Variants in AKAP11 observed in about 807,000 individuals in gnomAD.
AKAP11 encodes the protein A-kinase anchoring protein 11.
Under a neutral mutation model 146.1 loss-of-function variants are expected in AKAP11, and 36 were observed. That is an observed-to-expected ratio of 0.25 (90% CI 0.19 to 0.33). AKAP11 has a LOEUF of 0.33. AKAP11 is among the 10% of genes least tolerant of loss of function. The pLI is 1.00. For missense variants in AKAP11, 2,201 were observed against 2,197.0 expected (o/e 1.00, Z -0.04); for synonymous variants, 780 against 786.5 (o/e 0.99, Z 0.14).
In AKAP11 at chr13:42,318,946, G is replaced by A. The variant is rs1304106813; in HGVS notation, c.5566-142G>A. 4 of 990,186 alleles carry A rather than the reference G, an allele frequency of 4.0e-6. No homozygotes were observed. The East Asian group carries it at 1.0e-4, about 26-fold the overall frequency. 61.3% of individuals were successfully genotyped at this position (990,186 alleles called of 1,614,324 possible). On this transcript the variant is annotated intron_variant, in intron 12 of 12. Coordinates refer to ENST00000025301, the MANE Select transcript of AKAP11 (RefSeq NM_016248.4). ...TGGGTAAAGGGGTAGCGGTTTAGAG[G>A]GGAAGACCTTGTTATAACTAGGAAA...
Position 42,319,225 on chromosome 13 carries a change from A to G in AKAP11, c.5703A>G (p.Ala1901=), listed in dbSNP as rs1039158604. 3 of 1,613,834 alleles carry G rather than the reference A, an allele frequency of 1.9e-6. No homozygotes were observed. Among genetic ancestry groups the G allele is most frequent in the Middle Eastern group, 1.7e-4 (1 of 6,060 alleles). ...KSLFDWLLEN[A] ...TGTTTGATTGGCTCTTGGAAAATGC[A>G]TAGAGCAAACCCCAAACCAGTATAT... The change falls in exon 13 of 13, where the codon GCA becomes GCG. Residue 1901 remains alanine (A), a synonymous_variant. Coordinates refer to ENST00000025301, the MANE Select transcript of AKAP11 (RefSeq NM_016248.4).
At chr13:42,279,637 A>G (rs373789893) in intron 1 of AKAP11, among the ~76,000 whole-genome samples, 1 of 151,976 alleles carries the variant, frequency 6.6e-6, no homozygotes, top group Admixed American at 6.6e-5. Context: ...TAGTTTTACA[A>G]TCCTTTTCTG....
intron 8 of AKAP11, among the ~76,000 whole-genome samples, chr13:42,307,061 A>G (rs1015322109): frequency 6.6e-6 from 1 of 152,202 alleles, no homozygotes; most frequent in African/African-American, 2.4e-5. Flanking sequence ...CACAGTCATT[A>G]TAAACTCTTC....
Position 42,319,401 on chromosome 13 carries a change from C to A in AKAP11, c.*173C>A. 1.3e-6 allele frequency: 1 copy of A among 772,930 alleles called. No homozygotes were observed. The highest frequency in any genetic ancestry group is 2.0e-6 in the Non-Finnish European group (1 of 505,582). The allele number at this position is 772,930 out of a possible 1,614,324, so 47.9% of individuals were successfully genotyped here. A position where few individuals can be genotyped will look rare whatever the true frequency, so the allele number is the denominator to read the frequency against. ...TATCACTCGGTGTATATAGTTCATA[C>A]TTTTGTAATCTGTCAAAATACTACC... On this transcript the variant is annotated 3_prime_UTR_variant, in exon 13 of 13. Coordinates refer to ENST00000025301, the MANE Select transcript of AKAP11 (RefSeq NM_016248.4).
intron 1 of AKAP11, among the ~76,000 whole-genome samples, chr13:42,275,260 A>G (rs1449257611): frequency 5.3e-5 from 8 of 152,188 alleles, no homozygotes; most frequent in African/African-American, 1.7e-4. Flanking sequence ...CACTTCCCCA[A>G]AACTTTGATT....
Position 42,322,444 on chromosome 13 carries a change from A to T in AKAP11, c.*3216A>T, listed in dbSNP as rs988820355. ...GTCTACTTAGTTAATTAGTTAGCTG[A>T]TATTCTTCCACAATTAATATATTCA... On this transcript the variant is annotated 3_prime_UTR_variant, in exon 13 of 13. Transcript: ENST00000025301. 1.3e-5 allele frequency: 2 copies of T among 152,286 alleles called. No individual in the cohort carries two copies. The highest frequency in any genetic ancestry group is 2.9e-5 in the Non-Finnish European group (2 of 67,978). The allele number at this position is 152,286 out of a possible 1,614,324, so 9.4% of individuals were successfully genotyped here.
chr13:42,301,924 T>G lies in AKAP11; in HGVS notation c.3178T>G (p.Phe1060Val). 6.2e-7 allele frequency: 1 copy of G among 1,614,178 alleles called. No individual in the cohort carries two copies. Among genetic ancestry groups the G allele is most frequent in the Non-Finnish European group, 8.5e-7 (1 of 1,180,014 alleles). Reference sequence around the variant, plus strand: ...TAGTACATCACTTGAGGCCTTGTCTTTTGGACAGGAAAACCCCTTTCCTCA... The same window carrying G: ...TAGTACATCACTTGAGGCCTTGTCTGTTGGACAGGAAAACCCCTTTCCTCA... ...LNSTSLEALS[F>V]GQENPFPHSH... Residue 1060 changes from phenylalanine to valine, a missense_variant, in exon 8 of 13, where the codon TTT becomes GTT. Physicochemically the swap from Phe to Val is conservative, Grantham distance 50 (BLOSUM62 -1). Transcript: ENST00000025301.
At chr13:42,285,482 C>T (rs1010387386) in intron 1 of AKAP11, among the ~76,000 whole-genome samples, 14 of 152,120 alleles carry the variant, frequency 9.2e-5, no homozygotes, top group Non-Finnish European at 1.2e-4. Context: ...GAAACTTTTT[C>T]CTTTGAAGGC....
Position 42,292,451 on chromosome 13 carries a change from G to C in AKAP11, c.118G>C (p.Val40Leu). The C allele has an allele frequency of 6.3e-7, 1 of 1,594,542 alleles. No homozygotes were observed. The highest frequency in any genetic ancestry group is 1.1e-5 in the South Asian group (1 of 87,736). The change falls in exon 4 of 13, where the codon GTA (valine) becomes CTA (leucine). Residue 40 changes from valine to leucine, a missense_variant. Physicochemically the swap from Val to Leu is conservative, Grantham distance 32. Around this residue, in one of 3 missense-constraint regions of AKAP11, gnomAD observed 331 missense variants for 347.4 expected, o/e 0.95. Coordinates refer to ENST00000025301, the MANE Select transcript of AKAP11 (RefSeq NM_016248.4). ...GCAGAGTCAGAAGGAACTATGCAGTGTAACAGCAGAGGACTGTTTACAGCA... is the reference window on the plus strand; with the variant it reads ...GCAGAGTCAGAAGGAACTATGCAGTCTAACAGCAGAGGACTGTTTACAGCA... ...LLQSQKELCS[V>L]TAEDCLQQDE...
intron 7 of AKAP11, 79 bp downstream of exon 7, chr13:42,298,876 C>A: frequency 2.2e-6 from 3 of 1,387,768 alleles, no homozygotes; most frequent in Non-Finnish European, 2.9e-6. Context: ...CAGGCTTGTT[C>A]AGTTGAAATT....
At chr13:42,317,792 G>T in intron 12 of AKAP11, 104 bp downstream of exon 12, 1 of 1,325,630 alleles carries the variant, frequency 7.5e-7, no homozygotes, top group Non-Finnish European at 1.0e-6. Flanking sequence ...AAATTCTTAG[G>T]CTGTAGTGTC....
Position 42,303,243 on chromosome 13 carries a change from T to C in AKAP11, c.4497T>C (p.Asn1499=), listed in dbSNP as rs567739438. The change falls in exon 8 of 13, where the codon AAT becomes AAC. Residue 1499 remains asparagine, a synonymous_variant. Coordinates refer to ENST00000025301, the MANE Select transcript of AKAP11 (RefSeq NM_016248.4). ...LFEKSGYEED[N]ECHVTPELPK... is the part of the protein sequence containing the mutation. ...AAAAATCTGGATATGAAGAAGATAA[T>C]GAGTGTCACGTTACACCAGAATTGC... The C allele has an allele frequency of 1.2e-6, 2 of 1,613,990 alleles. No individual in the cohort carries two copies. The highest frequency in any genetic ancestry group is 2.2e-5 in the East Asian group (1 of 44,884).
At chr13:42,275,870 G>T (rs903006258) in intron 1 of AKAP11, among the ~76,000 whole-genome samples, 5 of 152,184 alleles carry the variant, frequency 3.3e-5, no homozygotes, top group Non-Finnish European at 7.3e-5. Context: ...AGAGCATACC[G>T]TGTGGCAGGT....
At chr13:42,305,987 C>G (rs1046017352) in intron 8 of AKAP11, among the ~76,000 whole-genome samples, 2 of 152,134 alleles carry the variant, frequency 1.3e-5, no homozygotes, top group African/African-American at 4.8e-5. Flanking sequence ...GTCATGAGAA[C>G]AGCATGGAGG....
At chr13:42,285,189 C>T (rs1447565092) in intron 1 of AKAP11, among the ~76,000 whole-genome samples, 1 of 152,158 alleles carries the variant, frequency 6.6e-6, no homozygotes, top group East Asian at 1.9e-4. Context: ...TTGGAAACCT[C>T]AGCTAAGCAA....
In AKAP11 at chr13:42,302,274, T is replaced by C; in HGVS notation, c.3528T>C (p.Ser1176=). The C allele has an allele frequency of 6.2e-7, 1 of 1,613,850 alleles. No homozygotes were observed. Among genetic ancestry groups the C allele is most frequent in the Non-Finnish European group, 8.5e-7 (1 of 1,179,958 alleles). ...LMRSLSEEVE[S]SESGELPEVD... ...GATCTCTTTCTGAAGAAGTTGAGAG[T>C]AGTGAAAGTGGAGAGCTCCCAGAAG... The change falls in exon 8 of 13, where the codon AGT becomes AGC. Residue 1176 remains serine (S), a synonymous_variant. Coordinates refer to ENST00000025301, the MANE Select transcript of AKAP11 (RefSeq NM_016248.4).
In AKAP11 at chr13:42,317,556, A is replaced by C; in HGVS notation, c.5433A>C (p.Leu1811=). The part of the protein sequence containing the change: ...EGLGQDGKTL[L]ITNIDMEPCT... The stretch of plus-strand genomic sequence containing the variant: ...TGGGGCAAGATGGAAAGACACTGCT[A>C]ATTACGAATATTGACATGGAGCCAT... The change falls in exon 12 of 13, where the codon CTA becomes CTC. Residue 1811 remains leucine, a synonymous_variant. Coordinates refer to ENST00000025301, the MANE Select transcript of AKAP11 (RefSeq NM_016248.4). The C allele has an allele frequency of 6.2e-7, 1 of 1,613,918 alleles. No individual in the cohort carries two copies. The highest frequency in any genetic ancestry group is 8.5e-7 in the Non-Finnish European group (1 of 1,179,928).
intron 4 of AKAP11, among the ~76,000 whole-genome samples, chr13:42,293,249 G>T (rs1027077158): frequency 1.2e-4 from 18 of 152,164 alleles, no homozygotes; most frequent in African/African-American, 4.3e-4. Flanking sequence ...CATCCTGATA[G>T]ATCCATTTTT....
chr13:42,301,831 G>A lies in AKAP11; in HGVS notation c.3085G>A (p.Val1029Met), dbSNP rs1228005660. 5 of 1,614,166 alleles carry A rather than the reference G, an allele frequency of 3.1e-6. No homozygotes were observed. The highest frequency in any genetic ancestry group is 1.7e-5 in the Admixed American group (1 of 60,024). Residue 1029 changes from valine to methionine, a missense_variant, in exon 8 of 13, where the codon GTG (valine) becomes ATG (methionine). Physicochemically the swap from Val to Met is conservative, Grantham distance 21 (BLOSUM62 1). Around this residue, in one of 3 missense-constraint regions of AKAP11, gnomAD observed 1,867 missense variants for 1,833.5 expected, o/e 1.02. Coordinates refer to ENST00000025301, the MANE Select transcript of AKAP11 (RefSeq NM_016248.4). ...SLETLPSCPA[V>M]TGQKSDLKES... Reference sequence around the variant, plus strand: ...AGAGACACTGCCATCTTGTCCAGCTGTGACAGGTCAGAAATCTGACTTGAA... The same window carrying A: ...AGAGACACTGCCATCTTGTCCAGCTATGACAGGTCAGAAATCTGACTTGAA...
Sources: allele counts gnomAD v4.1 joint callset (sites outside exome capture counted in the v4.1 genomes callset), GRCh38; gene constraint gnomAD v4.1.1; regional missense constraint gnomAD v4.1.1; transcripts MANE v1.5; gene names NCBI Gene and HGNC (gene_info 2026-07-23, HGNC 2026-07-21).